EYA2: variants seen among roughly 807,000 people sequenced by gnomAD.
EYA2 encodes the protein EYA transcriptional coactivator and phosphatase 2.
A neutral mutation model predicts 69.2 loss-of-function variants in EYA2; 31 were observed. The ratio of observed to expected loss-of-function variants is 0.45; its 90% CI spans 0.34 to 0.60. EYA2 has a LOEUF of 0.60. Among genes scored for constraint, EYA2 ranks in the 20% least tolerant of loss-of-function variants. EYA2 has a pLI of 0.02. For synonymous variants in EYA2, 257 were observed against 279.4 expected (o/e 0.92, Z 0.80); for missense variants, 622 against 701.2 (o/e 0.89, Z 1.28).
intron 12 of EYA2, among the ~76,000 whole-genome samples, chr20:47,177,271 C>A (rs1461801975): frequency 6.6e-6 from 1 of 151,986 alleles, no homozygotes; most frequent in Non-Finnish European, 1.5e-5. Flanking sequence ...TGCCACCATG[C>A]CTGGCTAATT....
At chr20:46,979,977 A>G (rs1200530050) in intron 1 of EYA2, among the ~76,000 whole-genome samples, 1 of 152,206 alleles carries the variant, frequency 6.6e-6, no homozygotes, top group Non-Finnish European at 1.5e-5. Flanking sequence ...TACACCGCTG[A>G]TAACGACATA....
At chr20:47,173,186 G>T (rs1480810913) in intron 12 of EYA2, among the ~76,000 whole-genome samples, 4 of 152,086 alleles carry the variant, frequency 2.6e-5, no homozygotes, top group Non-Finnish European at 5.9e-5. Context: ...AAGTAGCAGC[G>T]ACAGCATCAC....
At chr20:46,922,197 G>C (rs181098510) in intron 1 of EYA2, among the ~76,000 whole-genome samples, 7 of 152,284 alleles carry the variant, frequency 4.6e-5, no homozygotes, top group Non-Finnish European at 2.9e-5. Context: ...CATCACCCCG[G>C]AGGACAGGAG....
At chr20:46,932,710 C>G (rs1361706447) in intron 1 of EYA2, among the ~76,000 whole-genome samples, 1 of 152,154 alleles carries the variant, frequency 6.6e-6, no homozygotes, top group African/African-American at 2.4e-5. Flanking sequence ...TGGCGAAACC[C>G]TGTCTCTAGT....
At chr20:47,171,623 G>A (rs1178588868) in intron 11 of EYA2, among the ~76,000 whole-genome samples, 2 of 152,146 alleles carry the variant, frequency 1.3e-5, no homozygotes, top group African/African-American at 4.8e-5. Context: ...TGGCTGGTCA[G>A]CAGGGAAGGC....
rs565788515 is a variant in EYA2 at position 47,059,147 on chromosome 20, T to G, written c.416-13038T>G. On this transcript the variant is annotated intron_variant, in intron 5 of 15. Coordinates refer to ENST00000327619, the MANE Select transcript of EYA2 (RefSeq NM_005244.5). Reference sequence around the variant, plus strand: ...GTGCATGAACCAAATTAACTCTGCCTTAACACCCGAGGTGCAGGATGGTGA... The same window carrying G: ...GTGCATGAACCAAATTAACTCTGCCGTAACACCCGAGGTGCAGGATGGTGA... Among the ~76,000 whole-genome samples, 3 of 152,108 alleles carry G rather than the reference T, an allele frequency of 2.0e-5. No individual in the cohort carries two copies. The South Asian group carries it at 6.2e-4, about 32-fold the overall frequency.
chr20:46,980,262 G>A (rs772546048), intron 1 of EYA2, among the ~76,000 whole-genome samples: 2 of 152,180 alleles, frequency 1.3e-5, no homozygotes, highest in Admixed American at 6.5e-5. Context: ...AAGCCTCAGC[G>A]TAAATGCTCT....
chr20:47,005,128 A>G, intron 4 of EYA2, 44 bp downstream of exon 4: 2 of 1,602,224 alleles, frequency 1.2e-6, no homozygotes, highest in Non-Finnish European at 8.5e-7. Flanking sequence ...AGGTCCCCAA[A>G]TCATGGTCTT....
chr20:46,987,973 TATATATATATATATATATATATATGG>T (rs1164246909), intron 1 of EYA2, among the ~76,000 whole-genome samples: 8 of 64,240 alleles, frequency 1.2e-4, no homozygotes, highest in African/African-American at 5.5e-4. Flanking sequence ...TCTATATATA[TATATATATATATATATATATATATGG>T]GGCAAAAAAA....
chr20:46,927,284 C>T (rs142560742), intron 1 of EYA2, among the ~76,000 whole-genome samples: 102 of 152,304 alleles, frequency 6.7e-4, no homozygotes, highest in African/African-American at 1.9e-3. Context: ...CCTTGCAGAA[C>T]AAGTGCTCAG....
chr20:46,938,535 C>A (rs1986018255), intron 1 of EYA2, among the ~76,000 whole-genome samples: 1 of 152,134 alleles, frequency 6.6e-6, no homozygotes, highest in African/African-American at 2.4e-5. Flanking sequence ...CATGGTGGAG[C>A]TCATGCATGT....
intron 15 of EYA2, 48 bp downstream of exon 15, chr20:47,183,439 C>T (rs2034577072): frequency 4.5e-6 from 7 of 1,554,776 alleles, no homozygotes; most frequent in Non-Finnish European, 6.2e-6. Context: ...TTTCGAGCAC[C>T]CCTCGTGGTC....
intron 1 of EYA2, among the ~76,000 whole-genome samples, chr20:46,910,141 T>G (rs918675367): frequency 1.3e-5 from 2 of 152,188 alleles, no homozygotes; most frequent in Non-Finnish European, 2.9e-5. Flanking sequence ...GAAAAGAGTT[T>G]TAATTGGCTC....
At chr20:47,074,480 G>A (rs1360292684) in intron 7 of EYA2, 145 bp downstream of exon 7, 11 of 809,234 alleles carry the variant, frequency 1.4e-5, no homozygotes, top group Non-Finnish European at 2.1e-5. Flanking sequence ...TCTGAAGGAG[G>A]GACCTGGATA....
At chr20:47,087,288 TC>T (rs2031927168) in intron 7 of EYA2, among the ~76,000 whole-genome samples, 1 of 152,224 alleles carries the variant, frequency 6.6e-6, no homozygotes, top group Admixed American at 6.5e-5. Context: ...CAAAGGATTT[TC>T]CCCTGATGAT....
chr20:47,072,481 A>T lies in EYA2; in HGVS notation c.483+229A>T, dbSNP rs187235065. Among the ~76,000 whole-genome samples the T allele has an allele frequency of 2.4e-4, 37 of 152,248 alleles. No individual in the cohort carries two copies. The East Asian group carries it at 4.6e-3, about 19-fold the overall frequency. On this transcript the variant is annotated intron_variant, in intron 6 of 15. Coordinates refer to ENST00000327619, the MANE Select transcript of EYA2 (RefSeq NM_005244.5). ...AGAAGATTCCTGAGATGTCATGGAGATCTACAAGTATGTTCCATCTTGACC... is the reference window on the plus strand; with the variant it reads ...AGAAGATTCCTGAGATGTCATGGAGTTCTACAAGTATGTTCCATCTTGACC...
chr20:47,089,421 C>T (rs1193055706), intron 8 of EYA2, 40 bp downstream of exon 8: 1 of 1,579,934 alleles, frequency 6.3e-7, no homozygotes, highest in East Asian at 2.3e-5. Context: ...TGAATGTAAT[C>T]TCCATCTGAG....
At chr20:46,999,742 G>C (rs1982241631) in intron 2 of EYA2, among the ~76,000 whole-genome samples, 2 of 152,244 alleles carry the variant, frequency 1.3e-5, no homozygotes, top group Non-Finnish European at 2.9e-5. Context: ...GGCATTAAGA[G>C]TGTTGACCTT....
At chr20:47,106,893 A>T (rs569263116) in intron 9 of EYA2, among the ~76,000 whole-genome samples, 2 of 152,238 alleles carry the variant, frequency 1.3e-5, no homozygotes, top group African/African-American at 4.8e-5. Context: ...AACAACTCAC[A>T]TCTCGCCCAT....
Sources: allele counts gnomAD v4.1 joint callset (sites outside exome capture counted in the v4.1 genomes callset), GRCh38; gene constraint gnomAD v4.1.1; transcripts MANE v1.5; gene names NCBI Gene and HGNC (gene_info 2026-07-23, HGNC 2026-07-21).